Variants in USP12 observed in about 807,000 individuals in gnomAD.
USP12 encodes the protein ubiquitin carboxyl-terminal hydrolase 12.
In USP12, 19 loss-of-function variants were observed where a neutral mutation model predicts 45.5. The ratio of observed to expected loss-of-function variants is 0.42; its 90% CI spans 0.29 to 0.61. USP12 has a LOEUF of 0.61. USP12 is among the 20% of genes least tolerant of loss of function. The pLI is 0.22. For missense variants in USP12, 242 were observed against 447.7 expected, an observed-to-expected ratio of 0.54 and a Z score of 4.15; for synonymous variants, 149 against 148.8, an observed-to-expected ratio of 1.00 and a Z score of -0.01.
At chr13:27,074,724 A>G (rs1448745258) in intron 7 of USP12, among the ~76,000 whole-genome samples, 1 of 152,252 alleles carries the variant, frequency 6.6e-6, no homozygotes, top group African/African-American at 2.4e-5. Context: ...TGAGAAGAAG[A>G]CAGAAAGCAA....
chr13:27,147,702 A>G (rs1877368996), intron 1 of USP12, among the ~76,000 whole-genome samples: 1 of 152,204 alleles, frequency 6.6e-6, no homozygotes, highest in African/African-American at 2.4e-5. Flanking sequence ...GCTGACTTCT[A>G]AGCAGAAACC....
At chr13:27,086,187 A>ATATATATATATATATAT (rs1289444305) in intron 6 of USP12, among the ~76,000 whole-genome samples, 1 of 72,882 alleles carries the variant, frequency 1.4e-5, no homozygotes, top group African/African-American at 4.5e-5. Flanking sequence ...AAAAAAAAAA[A>ATATATATATATATATAT]AAAAAAAAAA....
intron 2 of USP12, among the ~76,000 whole-genome samples, chr13:27,109,385 T>C (rs149403504): frequency 2.4e-4 from 37 of 152,228 alleles, no homozygotes; most frequent in African/African-American, 8.9e-4. Flanking sequence ...TTTAATCAAG[T>C]CTCTACGTGT....
At chr13:27,095,432 A>G (rs184423403) in intron 4 of USP12, among the ~76,000 whole-genome samples, 169 bp downstream of exon 4, 1 of 152,356 alleles carries the variant, frequency 6.6e-6, no homozygotes, top group Non-Finnish European at 1.5e-5. Flanking sequence ...AATAAGCAAC[A>G]TTACATTAAG....
intron 1 of USP12, among the ~76,000 whole-genome samples, chr13:27,139,807 T>C (rs1876975558): frequency 1.3e-5 from 2 of 152,210 alleles, no homozygotes; most frequent in African/African-American, 4.8e-5. Context: ...CATTTTCTTA[T>C]ATGGCTTATG....
chr13:27,157,237 A>G (rs544540941), intron 1 of USP12, among the ~76,000 whole-genome samples: 6 of 152,326 alleles, frequency 3.9e-5, no homozygotes, highest in Admixed American at 1.3e-4. Context: ...AATTTTCTAG[A>G]AAACCACTTC....
chr13:27,155,907 A>T (rs1352862920), intron 1 of USP12, among the ~76,000 whole-genome samples: 1 of 152,226 alleles, frequency 6.6e-6, no homozygotes, highest in Non-Finnish European at 1.5e-5. Context: ...TAAAAAGTTT[A>T]TTTCTATGTA....
intron 1 of USP12, among the ~76,000 whole-genome samples, chr13:27,154,897 G>A (rs1236204913): frequency 6.6e-6 from 1 of 152,028 alleles, no homozygotes; most frequent in Non-Finnish European, 1.5e-5. Flanking sequence ...GCCAGTCATG[G>A]CTGGCTTTGA....
chr13:27,124,118 T>A (rs1191166909), intron 1 of USP12, among the ~76,000 whole-genome samples: 1 of 152,186 alleles, frequency 6.6e-6, no homozygotes, highest in Non-Finnish European at 1.5e-5. Flanking sequence ...ACATAGTCAA[T>A]CATGGAAAAC....
chr13:27,154,599 G>C (rs1877730615), intron 1 of USP12, among the ~76,000 whole-genome samples: 1 of 151,974 alleles, frequency 6.6e-6, no homozygotes, highest in African/African-American at 2.4e-5. Flanking sequence ...ATTCATTAAA[G>C]GCATATCAGG....
At chr13:27,152,068 G>A (rs1350424004) in intron 1 of USP12, among the ~76,000 whole-genome samples, 1 of 152,106 alleles carries the variant, frequency 6.6e-6, no homozygotes, top group Admixed American at 6.5e-5. Flanking sequence ...ACATAAAATG[G>A]TCCATCTCTG....
At chr13:27,089,605 C>T (rs1874221141) in intron 6 of USP12, 2 of 279,204 alleles carry the variant, frequency 7.2e-6, no homozygotes, top group Non-Finnish European at 1.4e-5. Context: ...TTTACATCAT[C>T]AGGAAAGCCT....
At chr13:27,114,491 T>C (rs893049744) in intron 2 of USP12, among the ~76,000 whole-genome samples, 3 of 152,210 alleles carry the variant, frequency 2.0e-5, no homozygotes, top group African/African-American at 7.2e-5. Flanking sequence ...TACACTAGTA[T>C]TTCTCCTCTC....
intron 1 of USP12, among the ~76,000 whole-genome samples, chr13:27,116,836 T>C (rs1202643041): frequency 6.6e-6 from 1 of 152,186 alleles, no homozygotes; most frequent in Non-Finnish European, 1.5e-5. Context: ...GAACATGCTG[T>C]ATAGGTTTGT....
chr13:27,104,026 G>A (rs1267925037), intron 3 of USP12, among the ~76,000 whole-genome samples: 1 of 152,066 alleles, frequency 6.6e-6, no homozygotes, highest in African/African-American at 2.4e-5. Flanking sequence ...TGTATGAGCT[G>A]CATACTTCTG....
At chr13:27,112,055 A>G (rs1043885605) in intron 2 of USP12, among the ~76,000 whole-genome samples, 2 of 152,168 alleles carry the variant, frequency 1.3e-5, no homozygotes, top group Non-Finnish European at 2.9e-5. Flanking sequence ...GCCTGCCTTG[A>G]GAGCCCCACA....
intron 7 of USP12, 137 bp downstream of exon 7, chr13:27,075,054 C>T (rs1873414547): frequency 1.4e-6 from 1 of 716,868 alleles, no homozygotes; most frequent in African/African-American, 1.8e-5. Context: ...GCTAAAACTC[C>T]ATTTTGAAAT....
chr13:27,142,414 T>C lies in USP12; in HGVS notation c.49-25818A>G, dbSNP rs148169761. 2.6e-5 allele frequency among the ~76,000 whole-genome samples: 4 copies of C among 152,360 alleles called. No individual in the cohort carries two copies. In the East Asian group the frequency reaches 7.7e-4, roughly 29 times the overall value. ...TGATACTGGGCATTACTGAGATAACTGATTAAATTTTAAAAATATGCTGTG... is the reference window on the plus strand; with the variant it reads ...TGATACTGGGCATTACTGAGATAACCGATTAAATTTTAAAAATATGCTGTG... On this transcript the variant is annotated intron_variant, in intron 1 of 8. Transcript: ENST00000282344.
intron 1 of USP12, among the ~76,000 whole-genome samples, chr13:27,123,551 C>T (rs1279062502): frequency 6.6e-6 from 1 of 152,162 alleles, no homozygotes; most frequent in East Asian, 1.9e-4. Flanking sequence ...TCTCATAATT[C>T]CCACGTGTCG....
Sources: allele counts gnomAD v4.1 joint callset (sites outside exome capture counted in the v4.1 genomes callset), GRCh38; gene constraint gnomAD v4.1.1; transcripts MANE v1.5; gene names NCBI Gene and HGNC (gene_info 2026-07-23, HGNC 2026-07-21).